SAMD3: variants seen among roughly 807,000 people sequenced by gnomAD.
SAMD3 encodes the protein sterile alpha motif domain-containing protein 3.
SAMD3 carries 63 observed loss-of-function variants against 58.5 expected under a neutral mutation model. The observed-to-expected ratio is 1.08, with a 90% CI of 0.88 to 1.33. The LOEUF is 1.33. Among genes scored for constraint, SAMD3 ranks in the 40% most tolerant of loss-of-function variants. The pLI is 0.00. For missense variants in SAMD3, 604 were observed against 608.4 expected (o/e 0.99, Z 0.08); for synonymous variants, 220 against 210.3 (o/e 1.05, Z -0.40).
At chr6:130,302,535 T>G (rs1050929663) in intron 2 of SAMD3, among the ~76,000 whole-genome samples, 9 of 152,192 alleles carry the variant, frequency 5.9e-5, no homozygotes, top group African/African-American at 2.2e-4. Flanking sequence ...CTCAAAGAAC[T>G]AAAAATAGAA....
rs1773749062 is a variant in SAMD3 at position 130,251,884 on chromosome 6, A to C, written c.-187-29071T>G. On this transcript the variant is annotated intron_variant, in intron 2 of 13. Coordinates refer to the SAMD3 transcript ENST00000368134. ...ATTGTTAAGAAAATAATACAGAATA[A>C]TCTGATCCTGAGGGTTCTACAGATG... 4.6e-5 allele frequency among the ~76,000 whole-genome samples: 7 copies of C among 151,942 alleles called. No individual in the cohort carries two copies. In the South Asian group the frequency reaches 1.5e-3, roughly 31 times the overall value.
intron 2 of SAMD3, among the ~76,000 whole-genome samples, chr6:130,264,764 A>G (rs919787879): frequency 6.6e-6 from 1 of 152,228 alleles, no homozygotes; most frequent in Non-Finnish European, 1.5e-5. Context: ...ACCAACAGCA[A>G]CAAGCTTTTC....
chr6:130,278,789 C>T lies in SAMD3; in HGVS notation c.-188+34189G>A, dbSNP rs531666240. On this transcript the variant is annotated intron_variant, in intron 2 of 13. Coordinates refer to the SAMD3 transcript ENST00000368134. Reference sequence around the variant, plus strand: ...AGGAGCTGAGAGGTTCATTCTTCCACGTGCCTGGAAAGGAAGGAGAACTGG... The same window carrying T: ...AGGAGCTGAGAGGTTCATTCTTCCATGTGCCTGGAAAGGAAGGAGAACTGG... 4.4e-4 allele frequency among the ~76,000 whole-genome samples: 67 copies of T among 152,032 alleles called. No individual in the cohort carries two copies. The South Asian group carries it at 9.8e-3, about 22-fold the overall frequency.
chr6:130,190,990 A>G (rs1169400116), intron 5 of SAMD3, among the ~76,000 whole-genome samples: 2 of 151,950 alleles, frequency 1.3e-5, no homozygotes, highest in South Asian at 2.1e-4. Context: ...CTTCAAATTT[A>G]AAAGTCCCAT....
chr6:130,287,689 T>A (rs1374297662), intron 2 of SAMD3, among the ~76,000 whole-genome samples: 1 of 152,114 alleles, frequency 6.6e-6, no homozygotes, highest in Non-Finnish European at 1.5e-5. Context: ...CTCACACCTA[T>A]AATCCCAGCA....
chr6:130,146,568 C>CA (rs1396716747), intron 9 of SAMD3, among the ~76,000 whole-genome samples: 8 of 152,132 alleles, frequency 5.3e-5, no homozygotes, highest in Middle Eastern at 3.2e-3. Flanking sequence ...CAGCAAAGAA[C>CA]AAAACTGTTA....
In SAMD3 at chr6:130,144,493, A is replaced by C; in HGVS notation, c.*27T>G. On this transcript the variant is annotated 3_prime_UTR_variant, in exon 12 of 12. Coordinates refer to ENST00000439090, the MANE Select transcript of SAMD3 (RefSeq NM_001017373.4). ...TGAAGCTTCAGTTTTCCCAGAGGTA[A>C]ATTCCAGTACAATATTTGGCATGCT... is the stretch of plus-strand genomic sequence containing the variant. 6.3e-7 allele frequency: 1 copy of C among 1,596,904 alleles called. No homozygotes were observed. Among genetic ancestry groups the C allele is most frequent in the Non-Finnish European group, 8.5e-7 (1 of 1,171,548 alleles).
chr6:130,144,605 G>A lies in SAMD3; in HGVS notation c.1478C>T (p.Thr493Met), dbSNP rs746678224. The A allele has an allele frequency of 9.9e-6, 16 of 1,613,952 alleles. No individual in the cohort carries two copies. The highest frequency in any genetic ancestry group is 5.5e-5 in the South Asian group (5 of 91,084). The change falls in exon 12 of 12, where the codon ACG becomes ATG. Residue 493 changes from threonine (T) to methionine (M), a missense_variant. Coordinates refer to ENST00000439090, the MANE Select transcript of SAMD3 (RefSeq NM_001017373.4). ...AGGACTGTGCATATCGAAAATCAGC[G>A]TTTCTAGGAAGTTGAAAGTTTGGGA... ...RLSQTFNFLE[T>M]LIFDMHSPYF...
In SAMD3 at chr6:130,175,835, T is replaced by G; in HGVS notation, c.822+6A>C. On this transcript the variant is annotated splice_donor_region_variant and intron_variant, in intron 8 of 11. Transcript: ENST00000439090. ...GTCATCAGAACATTTAGGAATTCAA[T>G]CTTACTTTTATCTGGACAAGTTTAA... 6.3e-7 allele frequency: 1 copy of G among 1,591,470 alleles called. No homozygotes were observed. Among genetic ancestry groups the G allele is most frequent in the Non-Finnish European group, 8.6e-7 (1 of 1,161,500 alleles).
At chr6:130,283,150 A>G (rs1193359513) in intron 2 of SAMD3, among the ~76,000 whole-genome samples, 1 of 152,242 alleles carries the variant, frequency 6.6e-6, no homozygotes, top group Non-Finnish European at 1.5e-5. Context: ...ACTGAAAGTA[A>G]TATACAACTA....
chr6:130,226,840 T>A (rs995899120), upstream of SAMD3, among the ~76,000 whole-genome samples: 1 of 151,932 alleles, frequency 6.6e-6, no homozygotes, highest in Non-Finnish European at 1.5e-5. Context: ...AAAAAAAAAA[T>A]TATTTACATC....
At chr6:130,365,784 T>C (rs1280805694), upstream of SAMD3, 2 of 985,342 alleles carry the variant, frequency 2.0e-6, no homozygotes, top group African/African-American at 3.5e-5. Context: ...AGTGCAACTT[T>C]GTGGCCGGGA....
chr6:130,144,373 A>AGAT lies in SAMD3; in HGVS notation c.*144_*146dup. 1.5e-6 allele frequency: 1 copy of AGAT among 665,516 alleles called. No individual in the cohort carries two copies. Among genetic ancestry groups the AGAT allele is most frequent in the South Asian group, 2.5e-5 (1 of 40,560 alleles). 41.2% of individuals were successfully genotyped at this position (665,516 alleles called of 1,614,324 possible). ...CAAAGAACTTAATATCTAAGTGTAAAGATAGAAAGCATTGAAATTCATTAG... is the reference window on the plus strand; with the variant it reads ...CAAAGAACTTAATATCTAAGTGTAAAGATGATAGAAAGCATTGAAATTCATTAG... On this transcript the variant is annotated 3_prime_UTR_variant, in exon 12 of 12. Coordinates refer to ENST00000439090, the MANE Select transcript of SAMD3 (RefSeq NM_001017373.4).
chr6:130,247,042 T>C (rs1773571281), intron 2 of SAMD3, among the ~76,000 whole-genome samples: 1 of 152,098 alleles, frequency 6.6e-6, no homozygotes, highest in Admixed American at 6.6e-5. Context: ...GAACCAACTC[T>C]CCTTGGAGAA....
At chr6:130,361,983 A>G (rs1778001690) in intron 1 of SAMD3, among the ~76,000 whole-genome samples, 1 of 152,234 alleles carries the variant, frequency 6.6e-6, no homozygotes, top group Non-Finnish European at 1.5e-5. Context: ...AATTAAACCC[A>G]GAATAGTCAG....
At chr6:130,216,376 A>T (rs184527893) in intron 2 of SAMD3, among the ~76,000 whole-genome samples, 195 bp downstream of exon 2, 1 of 152,360 alleles carries the variant, frequency 6.6e-6, no homozygotes. Flanking sequence ...TATTCTGTAA[A>T]GACCAAGGAA....
intron 8 of SAMD3, among the ~76,000 whole-genome samples, chr6:130,172,140 T>A (rs1791309985): frequency 6.6e-6 from 1 of 152,196 alleles, no homozygotes; most frequent in African/African-American, 2.4e-5. Flanking sequence ...TGCAGCACAC[T>A]GATGGGTCTT....
chr6:130,259,772 C>G (rs1392376002), intron 2 of SAMD3, among the ~76,000 whole-genome samples: 3 of 152,092 alleles, frequency 2.0e-5, no homozygotes, highest in African/African-American at 7.2e-5. Flanking sequence ...ACAGAGAGAG[C>G]CTGCCTATCC....
At chr6:130,198,356 C>G (rs1264763107) in intron 5 of SAMD3, among the ~76,000 whole-genome samples, 6 of 152,160 alleles carry the variant, frequency 3.9e-5, no homozygotes, top group Non-Finnish European at 8.8e-5. Flanking sequence ...AAGCATGCAT[C>G]ACCACACCCA....
Sources: allele counts gnomAD v4.1 joint callset (sites outside exome capture counted in the v4.1 genomes callset), GRCh38; gene constraint gnomAD v4.1.1; transcripts MANE v1.5; gene names NCBI Gene and HGNC (gene_info 2026-07-23, HGNC 2026-07-21).